TTC17: variants seen among roughly 807,000 people sequenced by gnomAD.
TTC17 encodes the protein tetratricopeptide repeat protein 17.
TTC17 carries 58 observed loss-of-function variants against 143.8 expected under a neutral mutation model. The observed-to-expected ratio is 0.40, with a 90% CI of 0.33 to 0.50. The LOEUF (loss-of-function observed/expected upper bound fraction) is 0.50. Ranked by LOEUF, TTC17 falls within the 20% of genes least tolerant of loss-of-function variation. The pLI is 0.49. For missense variants in TTC17, 1,273 were observed against 1,392.5 expected (o/e 0.91, Z 1.37); for synonymous variants, 501 against 497.8 (o/e 1.01, Z -0.09).
chr11:43,447,439 C>G (rs567673808), intron 18 of TTC17: 17 of 152,460 alleles, frequency 1.1e-4, no homozygotes, highest in Admixed American at 9.8e-4. Flanking sequence ...TAGTGGTTCT[C>G]TCTACTGGGT....
chr11:43,444,096 A>T lies in TTC17; in HGVS notation c.2552A>T (p.Asp851Val), dbSNP rs143821486. The change falls in exon 18 of 24, where the codon GAT (aspartate) becomes GTT (valine). Residue 851 changes from aspartate (D) to valine (V), a missense_variant. This residue lies in a region of TTC17 where 878 missense variants were observed against 899.8 expected (regional missense o/e 0.98). Transcript: ENST00000039989. The part of the protein sequence containing the change: ...QVKRVKKPKG[D>V]HKKTPGKKVE... ...AAACGTGTAAAGAAACCCAAAGGAG[A>T]TCATAAGAAAACTCCTGGGAAAAAA... is the stretch of plus-strand genomic sequence containing the variant. The T allele has an allele frequency of 6.2e-7, 1 of 1,613,308 alleles. No individual in the cohort carries two copies. The highest frequency in any genetic ancestry group is 8.5e-7 in the Non-Finnish European group (1 of 1,179,716).
chr11:43,419,685 T>C (rs547754578), intron 16 of TTC17, among the ~76,000 whole-genome samples: 1 of 152,314 alleles, frequency 6.6e-6, no homozygotes, highest in South Asian at 2.1e-4. Flanking sequence ...CCAATTTTAA[T>C]AGTACTTTTT....
intron 1 of TTC17, among the ~76,000 whole-genome samples, chr11:43,378,663 T>A (rs529560938): frequency 8.5e-5 from 13 of 152,366 alleles, no homozygotes; most frequent in African/African-American, 2.9e-4. Context: ...AGAACACATT[T>A]ATAAGCCAGC....
chr11:43,490,478 GA>G, intron 22 of TTC17, 120 bp downstream of exon 22: 2 of 1,410,344 alleles, frequency 1.4e-6, no homozygotes, highest in Admixed American at 4.6e-5. Flanking sequence ...ATTCCAAGGA[GA>G]GAATGGGGCA....
intron 16 of TTC17, among the ~76,000 whole-genome samples, chr11:43,441,402 TC>T (rs1220679533): frequency 6.6e-6 from 1 of 152,136 alleles, no homozygotes; most frequent in African/African-American, 2.4e-5. Flanking sequence ...AAATATTTTT[TC>T]CCTCTAAAAA....
Position 43,358,937 on chromosome 11 carries a change from C to A in TTC17, c.-18C>A. 6.4e-7 allele frequency: 1 copy of A among 1,562,412 alleles called. No homozygotes were observed. The highest frequency in any genetic ancestry group is 8.7e-7 in the Non-Finnish European group (1 of 1,155,128). The stretch of plus-strand genomic sequence containing the variant: ...TAGCTTCCGCTTCCGGTGTGAGCGG[C>A]CCGGCCGGGGGGGCAAGATGGCGGC... On this transcript the variant is annotated 5_prime_UTR_variant, in exon 1 of 24. Coordinates refer to ENST00000039989, the MANE Select transcript of TTC17 (RefSeq NM_018259.6).
At chr11:43,380,688 TA>T (rs978045075) in intron 2 of TTC17, among the ~76,000 whole-genome samples, 1 of 152,254 alleles carries the variant, frequency 6.6e-6, no homozygotes, top group Admixed American at 6.5e-5. Context: ...TATGTACTTT[TA>T]AAAAAATCTG....
chr11:43,430,709 G>A (rs76856958), intron 16 of TTC17, among the ~76,000 whole-genome samples: 35 of 138,522 alleles, frequency 2.5e-4, no homozygotes, highest in Non-Finnish European at 3.1e-4. Context: ...CTACATACAC[G>A]CACACACACA....
chr11:43,427,922 A>G (rs951244190), intron 16 of TTC17, among the ~76,000 whole-genome samples: 43 of 152,360 alleles, frequency 2.8e-4, no homozygotes, highest in African/African-American at 1.0e-3. Flanking sequence ...TCAGATAACT[A>G]AGTATTAAAT....
chr11:43,474,393 T>A (rs1948147019), intron 21 of TTC17, among the ~76,000 whole-genome samples: 1 of 152,212 alleles, frequency 6.6e-6, no homozygotes, highest in Non-Finnish European at 1.5e-5. Flanking sequence ...AAAATATTTT[T>A]AAATGGTTTT....
intron 16 of TTC17, among the ~76,000 whole-genome samples, chr11:43,432,967 G>T (rs1161122236): frequency 1.3e-5 from 2 of 150,504 alleles, no homozygotes; most frequent in Admixed American, 6.6e-5. Flanking sequence ...AACCGGTCTG[G>T]TTTTTTTTGT....
At chr11:43,421,864 A>G (rs1399015422) in intron 16 of TTC17, among the ~76,000 whole-genome samples, 1 of 140,516 alleles carries the variant, frequency 7.1e-6, no homozygotes, top group Non-Finnish European at 1.5e-5. Flanking sequence ...AGTCTTTGGA[A>G]AAGTTGTCTT....
intron 16 of TTC17, among the ~76,000 whole-genome samples, chr11:43,441,689 C>T (rs759024524): frequency 3.3e-5 from 5 of 152,076 alleles, no homozygotes; most frequent in African/African-American, 9.7e-5. Context: ...GAATTGCTTT[C>T]GCCCCAACCC....
rs11820342 is a variant in TTC17 at position 43,460,668 on chromosome 11, G to A, written c.3030+9403G>A. Among the ~76,000 whole-genome samples the A allele has an allele frequency of 6.0e-3, 912 of 152,244 alleles. 7 individuals are homozygous for A. Among genetic ancestry groups the A allele is most frequent in the African/African-American group, 0.02 (836 of 41,542 alleles). ...CTACTGTCTGAACTGGACTCAGCTG[G>A]GCATTTCTTCTGGTCTCACCTGGAG... is the stretch of plus-strand genomic sequence containing the variant. On this transcript the variant is annotated intron_variant, in intron 21 of 23. Transcript: ENST00000039989.
chr11:43,379,846 T>A (rs1045511522), intron 2 of TTC17, among the ~76,000 whole-genome samples: 3 of 152,204 alleles, frequency 2.0e-5, no homozygotes, highest in Admixed American at 6.5e-5. Flanking sequence ...TGACTTTTTT[T>A]AATAAACATC....
Position 43,391,501 on chromosome 11 carries a change from T to G in TTC17, c.456T>G (p.Pro152=). ...EDYIDTESPV[P]PDPEQPDCTK... Reference sequence around the variant, plus strand: ...ATATAGACACAGAATCTCCTGTCCCTCCAGACCCAGAGCAACCTGATTGTA... The same window carrying G: ...ATATAGACACAGAATCTCCTGTCCCGCCAGACCCAGAGCAACCTGATTGTA... Residue 152 remains proline (P), a synonymous_variant, in exon 4 of 24, where the codon CCT becomes CCG. Transcript: ENST00000039989. The G allele has an allele frequency of 6.2e-7, 1 of 1,608,458 alleles. No homozygotes were observed. The highest frequency in any genetic ancestry group is 8.5e-7 in the Non-Finnish European group (1 of 1,178,146).
chr11:43,447,845 T>G, intron 18 of TTC17, 157 bp from the exon 19 acceptor site: 1 of 863,082 alleles, frequency 1.2e-6, no homozygotes, highest in Non-Finnish European at 1.7e-6. Context: ...AATGACGAGA[T>G]TTTAATTAGA....
chr11:43,459,767 A>G (rs1947830322), intron 21 of TTC17, among the ~76,000 whole-genome samples: 2 of 152,378 alleles, frequency 1.3e-5, no homozygotes, highest in South Asian at 4.1e-4. Context: ...CCATACTTCA[A>G]GTACCCATAC....
intron 2 of TTC17, among the ~76,000 whole-genome samples, chr11:43,388,220 T>A (rs1262901406): frequency 6.6e-6 from 1 of 152,170 alleles, no homozygotes; most frequent in Non-Finnish European, 1.5e-5. Flanking sequence ...TATTTATACA[T>A]CCATTTAAAT....
Sources: allele counts gnomAD v4.1 joint callset (sites outside exome capture counted in the v4.1 genomes callset), GRCh38; gene constraint gnomAD v4.1.1; regional missense constraint gnomAD v4.1.1; transcripts MANE v1.5; gene names NCBI Gene and HGNC (gene_info 2026-07-23, HGNC 2026-07-21).